The following TMTC1 variants were observed in gnomAD, a reference collection of about 807,000 sequenced individuals.
TMTC1 encodes the protein transmembrane O-mannosyltransferase targeting cadherins 1.
In TMTC1, 73 loss-of-function variants were observed where a neutral mutation model predicts 104.8. The observed-to-expected ratio is 0.70, with a 90% confidence interval of 0.58 to 0.85. The LOEUF (loss-of-function observed/expected upper bound fraction) is 0.85, where lower values mean the gene tolerates loss of function less well. TMTC1 is among the 40% of genes least tolerant of loss of function. The pLI is 0.00. For synonymous variants in TMTC1, 434 were observed against 428.7 expected (o/e 1.01, Z -0.15); for missense variants, 1,035 against 1,096.1 (o/e 0.94, Z 0.79).
intron 7 of TMTC1, among the ~76,000 whole-genome samples, chr12:29,590,524 T>C (rs1257763993): frequency 1.3e-5 from 2 of 152,284 alleles, no homozygotes; most frequent in East Asian, 1.9e-4. Context: ...TGGTGGCTCA[T>C]GCCTGTAATC....
intron 5 of TMTC1, among the ~76,000 whole-genome samples, chr12:29,656,337 T>TATATAC (rs1939754333): frequency 6.7e-6 from 1 of 149,458 alleles, no homozygotes; most frequent in Non-Finnish European, 1.5e-5. Context: ...TATATATATA[T>TATATAC]ATACACACAT....
At chr12:29,745,985 C>A (rs1300337221) in intron 5 of TMTC1, among the ~76,000 whole-genome samples, 1 of 152,134 alleles carries the variant, frequency 6.6e-6, no homozygotes, top group South Asian at 2.1e-4. Context: ...CTTATTTATA[C>A]ACAAAGCAAG....
At chr12:29,646,649 C>T (rs75034080) in intron 5 of TMTC1, among the ~76,000 whole-genome samples, 6,310 of 152,234 alleles carry the variant, frequency 0.041, 174 homozygotes, top group Admixed American at 0.067. Flanking sequence ...ATTATGACGA[C>T]GTAGTTTCGT....
At chr12:29,532,694 G>A (rs1944539437) in intron 11 of TMTC1, 1 of 151,934 alleles carries the variant, frequency 6.6e-6, no homozygotes, top group Non-Finnish European at 1.5e-5. Context: ...TTGTCTCCAG[G>A]TATTATATTA....
intron 6 of TMTC1, among the ~76,000 whole-genome samples, chr12:29,628,767 T>C (rs560068283): frequency 2.6e-5 from 4 of 152,190 alleles, no homozygotes; most frequent in Admixed American, 2.6e-4. Context: ...GTTCAAGAGA[T>C]TCTTCCACCT....
At chr12:29,530,599 C>G (rs1167639185) in intron 11 of TMTC1, among the ~76,000 whole-genome samples, 1 of 152,196 alleles carries the variant, frequency 6.6e-6, no homozygotes, top group Non-Finnish European at 1.5e-5. Flanking sequence ...AGTTCCTCCT[C>G]TAATCTGTTG....
intron 6 of TMTC1, among the ~76,000 whole-genome samples, chr12:29,631,029 T>C (rs1938268509): frequency 6.6e-6 from 1 of 152,212 alleles, no homozygotes; most frequent in South Asian, 2.1e-4. Flanking sequence ...CATCTTTTCA[T>C]GTATTTATTA....
intron 2 of TMTC1, among the ~76,000 whole-genome samples, chr12:29,759,037 C>A (rs1193858280): frequency 6.6e-6 from 1 of 152,080 alleles, no homozygotes; most frequent in Non-Finnish European, 1.5e-5. Context: ...GCTCTCAGAG[C>A]GTCAATTCAC....
chr12:29,506,675 G>C lies in TMTC1; in HGVS notation c.*171C>G. 1.4e-6 allele frequency: 1 copy of C among 726,542 alleles called. No homozygotes were observed. Among genetic ancestry groups the C allele is most frequent in the Non-Finnish European group, 2.3e-6 (1 of 443,840 alleles). The allele number at this position is 726,542 out of a possible 1,614,324, so 45.0% of individuals were successfully genotyped here. A position where few individuals can be genotyped will look rare whatever the true frequency, so the allele number is the denominator to read the frequency against. On this transcript the variant is annotated 3_prime_UTR_variant, in exon 18 of 18. Coordinates refer to ENST00000539277, the MANE Select transcript of TMTC1 (RefSeq NM_001193451.2). Reference sequence around the variant, plus strand: ...CTGTTTTCGTCTTCTTCATGGAAAAGCAAGTCCTTCAGCACTGGGCTACCA... The same window carrying C: ...CTGTTTTCGTCTTCTTCATGGAAAACCAAGTCCTTCAGCACTGGGCTACCA...
chr12:29,784,047 T>A (rs1943903332), upstream of TMTC1: 1 of 155,228 alleles, frequency 6.4e-6, no homozygotes, highest in Non-Finnish European at 1.4e-5. Flanking sequence ...CGCGGGCCGG[T>A]TCCCCCGCAC....
rs186812186 is a variant in TMTC1 at position 29,662,427 on chromosome 12, G to A, written c.939-29091C>T. Among the ~76,000 whole-genome samples the A allele has an allele frequency of 2.1e-3, 318 of 152,184 alleles. 1 individual carries two copies. Among genetic ancestry groups the A allele is most frequent in the Middle Eastern group, 0.017 (5 of 294 alleles). On this transcript the variant is annotated intron_variant, in intron 5 of 17. Transcript: ENST00000539277. The stretch of plus-strand genomic sequence containing the variant: ...AGCACTTTGGGAGGCGGAGGCAGGC[G>A]GATCACGAGGTCAGGAGTTCGAGAC...
intron 5 of TMTC1, among the ~76,000 whole-genome samples, chr12:29,702,921 G>A (rs1262819126): frequency 1.3e-5 from 2 of 152,204 alleles, no homozygotes; most frequent in Admixed American, 6.5e-5. Context: ...GAGGCAGGTG[G>A]ATCACCTGAG....
intron 6 of TMTC1, among the ~76,000 whole-genome samples, chr12:29,632,788 C>T (rs1237288175): frequency 6.6e-6 from 1 of 152,024 alleles, no homozygotes; most frequent in African/African-American, 2.4e-5. Flanking sequence ...TCCAACTACC[C>T]CTGGCAGTCA....
chr12:29,784,112 C>T (rs1943904908), upstream of TMTC1, among the ~76,000 whole-genome samples: 1 of 151,966 alleles, frequency 6.6e-6, no homozygotes. Context: ...CCGGGGTTCG[C>T]GGCGCGCGGC....
intron 5 of TMTC1, among the ~76,000 whole-genome samples, chr12:29,635,627 A>C (rs1417971039): frequency 6.6e-6 from 1 of 152,232 alleles, no homozygotes; most frequent in African/African-American, 2.4e-5. Flanking sequence ...GGAAATAAAC[A>C]GTCTGATGTC....
intron 5 of TMTC1, chr12:29,640,531 C>G (rs1340807223): frequency 3.3e-5 from 5 of 152,188 alleles, no homozygotes; most frequent in Non-Finnish European, 5.9e-5. Context: ...AGCTGAAGGT[C>G]TGTTTGTGGG....
In TMTC1 at chr12:29,732,664, G is replaced by A. The variant is rs193206155; in HGVS notation, c.938+19002C>T. Among the ~76,000 whole-genome samples, 23 of 152,156 alleles carry A rather than the reference G, an allele frequency of 1.5e-4. No individual in the cohort carries two copies. In the East Asian group the frequency reaches 4.1e-3, roughly 27 times the overall value. ...TATCATAGTGATTAGCATATAGTAC[G>A]GGATTTAAAAAAAATTACAGTCTGC... On this transcript the variant is annotated intron_variant, in intron 5 of 17. Coordinates refer to ENST00000539277, the MANE Select transcript of TMTC1 (RefSeq NM_001193451.2).
At chr12:29,581,424 G>T (rs372016587) in intron 8 of TMTC1, among the ~76,000 whole-genome samples, 10 of 152,296 alleles carry the variant, frequency 6.6e-5, no homozygotes, top group East Asian at 5.8e-4. Context: ...ACCACCAAAG[G>T]CCTCTTTAGT....
intron 7 of TMTC1, among the ~76,000 whole-genome samples, chr12:29,586,060 C>T (rs1213820309): frequency 1.3e-5 from 2 of 152,098 alleles, no homozygotes; most frequent in Non-Finnish European, 2.9e-5. Context: ...ATTGATTCTT[C>T]CTACCCATGA....
Sources: gnomAD v4.1 joint callset for allele counts (sites outside exome capture counted in the v4.1 genomes callset) on GRCh38, gnomAD v4.1.1 for gene constraint, MANE v1.5 for transcripts, NCBI Gene and HGNC (gene_info 2026-07-23, HGNC 2026-07-21) for gene names.